RANBP17: variants seen among roughly 807,000 people sequenced by gnomAD.
RANBP17 encodes ran-binding protein 17.
Under a neutral mutation model 141.2 loss-of-function variants are expected in RANBP17, and 158 were observed. That is an observed-to-expected ratio of 1.12 (90% CI 0.98 to 1.28). The LOEUF is 1.28. Among genes scored for constraint, RANBP17 ranks in the 50% most tolerant of loss-of-function variants. The pLI is 0.00. For synonymous variants in RANBP17, 430 were observed against 450.0 expected (o/e 0.96, Z 0.56); for missense variants, 1,438 against 1,290.7 (o/e 1.11, Z -1.75).
In RANBP17 at chr5:171,061,793, A is replaced by G. The variant is rs1362197259; in HGVS notation, c.1710+93416A>G. 3.3e-5 allele frequency among the ~76,000 whole-genome samples: 5 copies of G among 152,090 alleles called. No individual in the cohort carries two copies. In the East Asian group the frequency reaches 9.6e-4, roughly 29 times the overall value. ...AAATCTCCCATTATTAATGTGTGGG[A>G]GTCTAAGTCTCTTTGTAGGTCACTC... On this transcript the variant is annotated intron_variant, in intron 14 of 27. Transcript: ENST00000523189.
At chr5:171,089,715 C>G (rs1015793550) in intron 14 of RANBP17, among the ~76,000 whole-genome samples, 2 of 152,254 alleles carry the variant, frequency 1.3e-5, no homozygotes, top group East Asian at 1.9e-4. Flanking sequence ...GGGAGTGACC[C>G]GATTTTCCAG....
chr5:171,044,009 A>G (rs1192929980), intron 14 of RANBP17, among the ~76,000 whole-genome samples: 2 of 152,188 alleles, frequency 1.3e-5, no homozygotes, highest in Non-Finnish European at 2.9e-5. Context: ...CATTTAAAAT[A>G]AAAGTGCCTG....
At chr5:171,143,340 G>C (rs1180609264) in intron 14 of RANBP17, 1 of 152,198 alleles carries the variant, frequency 6.6e-6, no homozygotes, top group African/African-American at 2.4e-5. Flanking sequence ...TAGTTTTTCT[G>C]TTTGCTCCGT....
intron 16 of RANBP17, among the ~76,000 whole-genome samples, chr5:171,181,301 T>C (rs1760843918): frequency 6.6e-6 from 1 of 151,922 alleles, no homozygotes; most frequent in Non-Finnish European, 1.5e-5. Context: ...ATACAAAAAA[T>C]TAGCCGGGCG....
intron 24 of RANBP17, among the ~76,000 whole-genome samples, chr5:171,244,073 A>G (rs1765056806): frequency 6.7e-6 from 1 of 149,632 alleles, no homozygotes; most frequent in Non-Finnish European, 1.5e-5. Flanking sequence ...GGCAACAAGA[A>G]TGAAATTCTG....
chr5:171,113,015 T>C (rs1755356778), intron 14 of RANBP17, among the ~76,000 whole-genome samples: 1 of 152,164 alleles, frequency 6.6e-6, no homozygotes, highest in South Asian at 2.1e-4. Context: ...TTCAGAATCA[T>C]GTCTGGCATA....
intron 14 of RANBP17, among the ~76,000 whole-genome samples, chr5:171,140,839 CTG>C (rs1757639157): frequency 1.3e-5 from 2 of 152,180 alleles, no homozygotes; most frequent in South Asian, 4.1e-4. Context: ...TCTTACATTA[CTG>C]TGAAGGGTAG....
intron 14 of RANBP17, among the ~76,000 whole-genome samples, chr5:171,084,132 C>G (rs1428306894): frequency 7.7e-6 from 1 of 129,418 alleles, no homozygotes; most frequent in Admixed American, 8.9e-5. Flanking sequence ...CCACCACAGT[C>G]CCCAGAGTGT....
At chr5:171,074,889 G>A (rs1340171224) in intron 14 of RANBP17, among the ~76,000 whole-genome samples, 1 of 152,130 alleles carries the variant, frequency 6.6e-6, no homozygotes, top group Non-Finnish European at 1.5e-5. Context: ...TATTTTAAAA[G>A]TTGGTTGTTG....
Position 170,968,350 on chromosome 5 carries a change from TG to T in RANBP17, c.1685del (p.Gly562ValfsTer18). 1 of 1,606,226 alleles carries T rather than the reference TG, an allele frequency of 6.2e-7. No homozygotes were observed. On this transcript the variant is annotated frameshift_variant, in exon 14 of 28. Coordinates refer to ENST00000523189, the MANE Select transcript of RANBP17 (RefSeq NM_022897.5). LOFTEE classifies it high-confidence loss of function. ...FLDQFRKTYV[G>X]DQLQRTSKVY... is the part of the protein sequence containing the mutation. ...TGGATCAGTTTCGTAAAACATATGTTGGTGATCAACTTCAAAGAACCTCAAA... is the reference window on the plus strand; with the variant it reads ...TGGATCAGTTTCGTAAAACATATGTTGTGATCAACTTCAAAGAACCTCAAA...
intron 13 of RANBP17, among the ~76,000 whole-genome samples, chr5:170,962,466 T>C (rs902035707): frequency 1.3e-5 from 2 of 152,278 alleles, no homozygotes; most frequent in East Asian, 3.9e-4. Context: ...ACACAGAACT[T>C]GAGTAGGAGA....
intron 5 of RANBP17, among the ~76,000 whole-genome samples, chr5:170,905,478 G>C (rs1174465228): frequency 6.6e-6 from 1 of 152,092 alleles, no homozygotes; most frequent in Non-Finnish European, 1.5e-5. Flanking sequence ...TTTTCTACTT[G>C]TGTTCAATCA....
intron 14 of RANBP17, among the ~76,000 whole-genome samples, chr5:170,992,326 A>G (rs1581337256): frequency 6.6e-6 from 1 of 151,924 alleles, no homozygotes; most frequent in African/African-American, 2.4e-5. Flanking sequence ...AATAATATTC[A>G]TTGCTCTTTT....
chr5:171,277,393 T>C (rs1240656364), intron 25 of RANBP17, among the ~76,000 whole-genome samples: 1 of 151,806 alleles, frequency 6.6e-6, no homozygotes, highest in Non-Finnish European at 1.5e-5. Context: ...CAGTAATGTT[T>C]TCTTACCATA....
intron 18 of RANBP17, among the ~76,000 whole-genome samples, chr5:171,191,210 A>G (rs905262941): frequency 2.6e-5 from 4 of 152,220 alleles, no homozygotes; most frequent in Non-Finnish European, 4.4e-5. Context: ...AGGGAAGAGT[A>G]TTCTAGAAAT....
chr5:171,055,696 G>A (rs1432398363), intron 14 of RANBP17, among the ~76,000 whole-genome samples: 1 of 151,860 alleles, frequency 6.6e-6, no homozygotes, highest in African/African-American at 2.4e-5. Flanking sequence ...GTTAGAAAGT[G>A]ACATTCTGTA....
intron 14 of RANBP17, among the ~76,000 whole-genome samples, chr5:171,042,167 A>G (rs1340568638): frequency 6.6e-6 from 1 of 152,010 alleles, no homozygotes; most frequent in East Asian, 1.9e-4. Flanking sequence ...GGTTGATTCC[A>G]TGTCTTTGCT....
Position 171,186,429 on chromosome 5 carries a change from C to T in RANBP17, c.2038+2999C>T, listed in dbSNP as rs112558741. Among the ~76,000 whole-genome samples, 1,414 of 151,448 alleles carry T rather than the reference C, an allele frequency of 9.3e-3. 25 individuals carry two copies. Among genetic ancestry groups the T allele is most frequent in the African/African-American group, 0.033 (1,353 of 41,336 alleles). ...CCTCTGCTAGCTTCCAACTTTTCTTCTGCAACTTCCTCACCTCTCAGCTTT... is the reference window on the plus strand; with the variant it reads ...CCTCTGCTAGCTTCCAACTTTTCTTTTGCAACTTCCTCACCTCTCAGCTTT... On this transcript the variant is annotated intron_variant, in intron 18 of 27. Coordinates refer to ENST00000523189, the MANE Select transcript of RANBP17 (RefSeq NM_022897.5).
intron 20 of RANBP17, among the ~76,000 whole-genome samples, chr5:171,212,389 C>G (rs1479625323): frequency 6.6e-6 from 1 of 152,076 alleles, no homozygotes; most frequent in Non-Finnish European, 1.5e-5. Context: ...GGAGGTAAAA[C>G]TTGAGCTAGG....
Sources: gnomAD v4.1 joint callset for allele counts (sites outside exome capture counted in the v4.1 genomes callset) on GRCh38, gnomAD v4.1.1 for gene constraint, MANE v1.5 for transcripts, NCBI Gene and HGNC (gene_info 2026-07-23, HGNC 2026-07-21) for gene names.